INTS3: variants seen among roughly 807,000 people sequenced by gnomAD.
INTS3 encodes the protein SOSS complex subunit A.
In INTS3, 34 loss-of-function variants were observed where a neutral mutation model predicts 146.3. The ratio of observed to expected loss-of-function variants is 0.23; its 90% confidence interval spans 0.18 to 0.31. The LOEUF (loss-of-function observed/expected upper bound fraction) is 0.31, where lower values mean the gene tolerates loss of function less well. INTS3 is among the 10% of genes least tolerant of loss of function. The probability of loss-of-function intolerance (pLI) is 1.00; values close to 1 mark genes in which losing one functional copy is unlikely to be tolerated. For synonymous variants in INTS3, 475 were observed against 494.9 expected (o/e 0.96, Z 0.53); for missense variants, 757 against 1,304.2 (o/e 0.58, Z 6.46).
In INTS3 at chr1:153,753,655, CT is replaced by C. The variant is rs1156512014; in HGVS notation, c.860-969del. The C allele has an allele frequency of 5.9e-3, 786 of 133,952 alleles. 13 individuals carry two copies. Among genetic ancestry groups the C allele is most frequent in the Admixed American group, 0.043 (572 of 13,164 alleles). 8.3% of individuals were successfully genotyped at this position (133,952 alleles called of 1,614,324 possible). On this transcript the variant is annotated intron_variant, in intron 8 of 29. Coordinates refer to ENST00000318967, the MANE Select transcript of INTS3 (RefSeq NM_023015.5). ...TAGGTTAGGTGACAGAGGCAGGTCT[CT>C]TTTTTTTTTTTTTTTTTGAGACGGA...
intron 25 of INTS3, among the ~76,000 whole-genome samples, chr1:153,771,267 A>G (rs1158585787): frequency 1.3e-5 from 2 of 152,190 alleles, no homozygotes; most frequent in Admixed American, 6.5e-5. Flanking sequence ...GCAGCTGTGT[A>G]TCTTATCCTT....
In INTS3 at chr1:153,747,011, A is replaced by G; in HGVS notation, c.373A>G (p.Lys125Glu). 6.2e-7 allele frequency: 1 copy of G among 1,614,032 alleles called. No homozygotes were observed. Among genetic ancestry groups the G allele is most frequent in the South Asian group, 1.1e-5 (1 of 91,072 alleles). Residue 125 changes from lysine (K) to glutamate (E), a missense_variant, in exon 4 of 30, where the codon AAA becomes GAA. By Grantham distance (56) the Lys-to-Glu change is moderately conservative. Around this residue, in one of 8 missense-constraint regions of INTS3, gnomAD observed 160 missense variants for 193.7 expected, o/e 0.83. Transcript: ENST00000318967. ...SRDGMNIVLN[K>E]INQILMEKYL... ...TGATGGCATGAATATTGTCCTGAAT[A>G]AAATCAACCAGATACTTATGGAGAA...
intron 4 of INTS3, 97 bp downstream of exon 4, chr1:153,747,167 C>A: frequency 8.1e-7 from 1 of 1,238,622 alleles, no homozygotes; most frequent in Admixed American, 1.8e-5. Context: ...CTAACACACC[C>A]CTATCATTGT....
intron 1 of INTS3, among the ~76,000 whole-genome samples, chr1:153,732,711 G>T (rs1361647248): frequency 4.0e-5 from 6 of 151,806 alleles, no homozygotes; most frequent in African/African-American, 1.2e-4. Context: ...GCCTCCGAAA[G>T]TGCTGGGATT....
Position 153,751,258 on chromosome 1 carries a change from A to G in INTS3, c.729+19A>G, listed in dbSNP as rs1322211057. 6.2e-7 allele frequency: 1 copy of G among 1,612,758 alleles called. No homozygotes were observed. Among genetic ancestry groups the G allele is most frequent in the Non-Finnish European group, 8.5e-7 (1 of 1,178,962 alleles). ...GGAACGGGTGAGGGAACAGGACAAA[A>G]ATAATGTGGGGAAGTGAGACTCAGG... is the stretch of plus-strand genomic sequence containing the variant. On this transcript the variant is annotated intron_variant, in intron 7 of 29. Coordinates refer to ENST00000318967, the MANE Select transcript of INTS3 (RefSeq NM_023015.5).
intron 3 of INTS3, among the ~76,000 whole-genome samples, chr1:153,742,505 T>TGTGTGTGTGTGTGTGTGC (rs1016595219): frequency 2.7e-4 from 41 of 151,924 alleles, no homozygotes; most frequent in Admixed American, 1.4e-3. Flanking sequence ...TGTGTGTGTG[T>TGTGTGTGTGTGTGTGTGC]GTGCGTGCGC....
In INTS3 at chr1:153,728,061, C is replaced by A. The variant is rs1570821311; in HGVS notation, c.-574C>A. The stretch of plus-strand genomic sequence containing the variant: ...CTCCCCCGCCCTCCGCCTTCCCACC[C>A]CCCGCCCTTCCACTATGGCCGCTTC... On this transcript the variant is annotated 5_prime_UTR_variant, in exon 1 of 30. Coordinates refer to ENST00000318967, the MANE Select transcript of INTS3 (RefSeq NM_023015.5). 2.1e-5 allele frequency: 4 copies of A among 187,366 alleles called. No individual in the cohort carries two copies. Among genetic ancestry groups the A allele is most frequent in the South Asian group, 2.1e-4 (1 of 4,814 alleles). The allele number at this position is 187,366 out of a possible 1,614,324, so 11.6% of individuals were successfully genotyped here. A position where few individuals can be genotyped will look rare whatever the true frequency, so the allele number is the denominator to read the frequency against.
chr1:153,747,248 C>G lies in INTS3; in HGVS notation c.433-31C>G, dbSNP rs747834081. On this transcript the variant is annotated intron_variant, in intron 4 of 29. Transcript: ENST00000318967. ...TCCCTTCTCAAACTCACAGTTCCTG[C>G]TCTTCATCTGTTTTTCCCTCTTTCC... The G allele has an allele frequency of 6.9e-6, 11 of 1,586,018 alleles. No homozygotes were observed. In the Admixed American group the frequency reaches 1.8e-4, roughly 26 times the overall value.
chr1:153,762,995 G>A (rs764515639), intron 15 of INTS3, 148 bp downstream of exon 15: 15 of 1,153,842 alleles, frequency 1.3e-5, no homozygotes, highest in Non-Finnish European at 1.9e-5. Flanking sequence ...ACTCCAGAAT[G>A]CAGAGCCCTG....
intron 6 of INTS3, among the ~76,000 whole-genome samples, chr1:153,749,201 T>C (rs752394582): frequency 2.0e-4 from 31 of 152,114 alleles, no homozygotes; most frequent in Non-Finnish European, 3.7e-4. Context: ...TAATAGAGAT[T>C]AGTGAATCCT....
At chr1:153,742,149 A>T (rs1218625533) in intron 3 of INTS3, among the ~76,000 whole-genome samples, 4 of 152,190 alleles carry the variant, frequency 2.6e-5, no homozygotes, top group Non-Finnish European at 5.9e-5. Context: ...GGGCATGGGA[A>T]ACTGATCTGT....
At chr1:153,762,277 C>T (rs951746585) in intron 14 of INTS3, among the ~76,000 whole-genome samples, 4 of 152,276 alleles carry the variant, frequency 2.6e-5, no homozygotes, top group Non-Finnish European at 2.9e-5. Context: ...CATGAAACTC[C>T]GTCTCTACTA....
chr1:153,763,714 A>C, intron 16 of INTS3, 118 bp from the exon 17 acceptor site: 134 of 840,394 alleles, frequency 1.6e-4, no homozygotes, highest in Non-Finnish European at 2.4e-4. Context: ...GATTTTACAC[A>C]GAGCTCCTTT....
rs149578778 is a variant in INTS3, at chr1:153,745,740, T to C, written c.319-1217T>C. 3.4e-3 allele frequency among the ~76,000 whole-genome samples: 514 copies of C among 152,150 alleles called. 4 individuals carry two copies. The highest frequency in any genetic ancestry group is 0.01 in the African/African-American group (430 of 41,504). ...TGCCCTCCCTTACCTCCCCCAGGAT[T>C]TGGTATGCTAAAGCACCTTTCCTTT... On this transcript the variant is annotated intron_variant, in intron 3 of 29. Transcript: ENST00000318967.
Position 153,772,504 on chromosome 1 carries a change from G to C in INTS3, c.2821+64G>C. 6.2e-7 allele frequency: 1 copy of C among 1,613,450 alleles called. No homozygotes were observed. Among genetic ancestry groups the C allele is most frequent in the East Asian group, 2.2e-5 (1 of 44,870 alleles). ...TGCCCTGGCCCAGACTATGCCTGGA[G>C]CCAGGCTGGGGGCAGGGGCAGGACA... On this transcript the variant is annotated intron_variant, in intron 27 of 29. Transcript: ENST00000318967. The surrounding 1 kb of genome is among the most constrained non-coding windows in gnomAD (Gnocchi z 4.6).
In INTS3 at chr1:153,748,556, G is replaced by A; in HGVS notation, c.518-133G>A. The A allele has an allele frequency of 7.7e-6, 6 of 774,972 alleles. No individual in the cohort carries two copies. In the East Asian group the frequency reaches 1.5e-4, roughly 19 times the overall value. 48.0% of individuals were successfully genotyped at this position (774,972 alleles called of 1,614,324 possible). ...TTAAAGCCTGACAGAACAGAAGGCA[G>A]TTTATCTCAGCAGTGAAGGGATGGC... On this transcript the variant is annotated intron_variant, in intron 5 of 29. Coordinates refer to ENST00000318967, the MANE Select transcript of INTS3 (RefSeq NM_023015.5).
Position 153,773,333 on chromosome 1 carries a change from T to C in INTS3, c.*63T>C. 1 of 1,445,088 alleles carries C rather than the reference T, an allele frequency of 6.9e-7. No individual in the cohort carries two copies. 89.5% of individuals were successfully genotyped at this position (1,445,088 alleles called of 1,614,324 possible). A position where few individuals can be genotyped will look rare whatever the true frequency, so the allele number is the denominator to read the frequency against. Reference sequence around the variant, plus strand: ...CCTCTCCTTCTTGGTGATTCAAAGGTTAATAGAGGCTGAGGAGATTGCAGG... The same window carrying C: ...CCTCTCCTTCTTGGTGATTCAAAGGCTAATAGAGGCTGAGGAGATTGCAGG... On this transcript the variant is annotated 3_prime_UTR_variant, in exon 30 of 30. Coordinates refer to ENST00000318967, the MANE Select transcript of INTS3 (RefSeq NM_023015.5).
chr1:153,748,255 G>A lies in INTS3; in HGVS notation c.518-434G>A, dbSNP rs184697283. The A allele has an allele frequency of 2.9e-3, 508 of 174,652 alleles. 1 individual carries two copies. The highest frequency in any genetic ancestry group is 0.01 in the African/African-American group (427 of 42,266). 10.8% of individuals were successfully genotyped at this position (174,652 alleles called of 1,614,324 possible). A position where few individuals can be genotyped will look rare whatever the true frequency, so the allele number is the denominator to read the frequency against. On this transcript the variant is annotated intron_variant, in intron 5 of 29. Coordinates refer to ENST00000318967, the MANE Select transcript of INTS3 (RefSeq NM_023015.5). ...ACTAAAGACTGTTACCTGGAAATAA[G>A]AAACTCTTGGCCTGTTGGGGGCCTC...
At chr1:153,761,544 T>G in intron 13 of INTS3, 26 bp from the exon 14 acceptor site, 5 of 1,470,898 alleles carry the variant, frequency 3.4e-6, no homozygotes, top group Non-Finnish European at 4.8e-6. Flanking sequence ...GCTCTGATAT[T>G]GACCTTCATC....
Sources: gnomAD v4.1 joint callset for allele counts (sites outside exome capture counted in the v4.1 genomes callset) on GRCh38, gnomAD v4.1.1 for gene constraint, gnomAD v4.1.1 regional missense constraint, Gnocchi (gnomAD v3.1) non-coding constraint, MANE v1.5 for transcripts, NCBI Gene and HGNC (gene_info 2026-07-23, HGNC 2026-07-21) for gene names.